The following EHMT1 variants were observed in gnomAD, a reference collection of about 807,000 sequenced individuals.
EHMT1 encodes the protein euchromatic histone lysine methyltransferase 1.
EHMT1 carries 15 observed loss-of-function variants against 147.2 expected under a neutral mutation model. The observed-to-expected ratio is 0.10, with a 90% CI of 0.07 to 0.16. The LOEUF (loss-of-function observed/expected upper bound fraction) is 0.16. Ranked by LOEUF, EHMT1 falls within the 10% of genes least tolerant of loss-of-function variation. EHMT1 has a pLI of 1.00. For synonymous variants in EHMT1, 795 were observed against 709.6 expected (o/e 1.12, Z -1.91); for missense variants, 1,587 against 1,772.4 (o/e 0.90, Z 1.88).
At position 137,684,407 on chromosome 9, in the gene EHMT1, GC is replaced by G. The variant is rs763605597; in HGVS notation, c.22-26558del. Among the ~76,000 whole-genome samples the G allele has an allele frequency of 1.4e-3, 215 of 152,252 alleles. 1 individual carries two copies. The highest frequency in any genetic ancestry group is 2.6e-3 in the Non-Finnish European group (179 of 68,014). On this transcript the variant is annotated intron_variant, in intron 1 of 26. Transcript: ENST00000460843. ...GTGATAAATGAGATGTTTTTCTTGA[GC>G]CGTTTGAAAGTTGCCTAGATGCCCC...
At position 137,750,261 on chromosome 9, in the gene EHMT1, C is replaced by CTT. The variant is rs1033311111; in HGVS notation, c.1171-2069_1171-2068insTT. Among the ~76,000 whole-genome samples the CTT allele has an allele frequency of 1.0e-3, 110 of 109,740 alleles. 1 individual carries two copies. Among genetic ancestry groups the CTT allele is most frequent in the Non-Finnish European group, 1.3e-3 (79 of 59,650 alleles). The allele number at this position is 109,740 out of a possible 152,430, so 72.0% of individuals were successfully genotyped here. A position where few individuals can be genotyped will look rare whatever the true frequency, so the allele number is the denominator to read the frequency against. Reference sequence around the variant, plus strand: ...GTCTAGGGATATTTTTAAAGATTTTCTCTAGAAAATTTCAAGCTGCACAAA... The same window carrying CTT: ...GTCTAGGGATATTTTTAAAGATTTTCTTTCTAGAAAATTTCAAGCTGCACAAA... On this transcript the variant is annotated intron_variant, in intron 6 of 26. Coordinates refer to ENST00000460843, the MANE Select transcript of EHMT1 (RefSeq NM_024757.5).
chr9:137,706,548 G>A (rs1456778717), intron 1 of EHMT1, among the ~76,000 whole-genome samples: 2 of 152,230 alleles, frequency 1.3e-5, no homozygotes, highest in South Asian at 2.1e-4. Context: ...GAGCAGTGGC[G>A]TGATCTCGGC....
intron 18 of EHMT1, chr9:137,802,820 C>T (rs1953614630): frequency 1.6e-6 from 2 of 1,231,948 alleles, no homozygotes; most frequent in Non-Finnish European, 2.0e-6. Context: ...GGGGTTTCTA[C>T]CTCATTCCAC....
At chr9:137,713,820 C>T (rs563466904) in intron 2 of EHMT1, among the ~76,000 whole-genome samples, 6 of 151,844 alleles carry the variant, frequency 4.0e-5, no homozygotes, top group Middle Eastern at 3.4e-3. Flanking sequence ...TGTGGTGGCT[C>T]GCACCTATAA....
chr9:137,756,148 T>G (rs552731689), intron 8 of EHMT1, among the ~76,000 whole-genome samples: 1 of 152,370 alleles, frequency 6.6e-6, no homozygotes, highest in East Asian at 1.9e-4. Flanking sequence ...GTTTTGTCCC[T>G]TGTTTTCTTC....
chr9:137,761,498 G>C (rs1487649584), intron 9 of EHMT1, among the ~76,000 whole-genome samples: 2 of 152,214 alleles, frequency 1.3e-5, no homozygotes, highest in African/African-American at 4.8e-5. Flanking sequence ...TCTGTTGCCA[G>C]ACTGGAGTGC....
At chr9:137,623,152 G>A (rs1177299444) in intron 1 of EHMT1, among the ~76,000 whole-genome samples, 3 of 151,024 alleles carry the variant, frequency 2.0e-5, no homozygotes, top group Middle Eastern at 3.2e-3. Flanking sequence ...GGTGGAGCTT[G>A]TAGTGAGCCA....
At chr9:137,670,336 C>T (rs1331749172) in intron 1 of EHMT1, among the ~76,000 whole-genome samples, 1 of 152,166 alleles carries the variant, frequency 6.6e-6, no homozygotes, top group Non-Finnish European at 1.5e-5. Context: ...ACAAAACCAT[C>T]CTGGTTAAGG....
chr9:137,735,891 T>C (rs1477012307), intron 4 of EHMT1, among the ~76,000 whole-genome samples: 2 of 152,198 alleles, frequency 1.3e-5, no homozygotes. Flanking sequence ...ATTTCCACCA[T>C]GAGCCAGAGC....
chr9:137,674,498 C>CT (rs1441479966), intron 1 of EHMT1, among the ~76,000 whole-genome samples: 1 of 152,142 alleles, frequency 6.6e-6, no homozygotes, highest in Non-Finnish European at 1.5e-5. Context: ...CTCCAGCGCT[C>CT]TTTCTTTGTG....
rs1842772938 is a variant in EHMT1, at chr9:137,619,065, G to T, written c.21+16G>T. The T allele has an allele frequency of 1.1e-6, 1 of 880,450 alleles. No homozygotes were observed. Among genetic ancestry groups the T allele is most frequent in the South Asian group, 5.0e-5 (1 of 20,124 alleles). 54.5% of individuals were successfully genotyped at this position (880,450 alleles called of 1,614,324 possible). On this transcript the variant is annotated intron_variant, in intron 1 of 26. Transcript: ENST00000460843. ...CGATGCCGAGGTGAGCAGCGGGGCC[G>T]GCGGGGGGCGGCGCGGGGGCGGCGG...
chr9:137,635,556 C>A (rs1204279977), intron 1 of EHMT1, among the ~76,000 whole-genome samples: 4 of 151,290 alleles, frequency 2.6e-5, no homozygotes, highest in African/African-American at 9.7e-5. Context: ...CGCGGTGGCT[C>A]ACGCCTGTAA....
intron 1 of EHMT1, among the ~76,000 whole-genome samples, chr9:137,691,332 A>T (rs1355478637): frequency 2.1e-5 from 3 of 145,874 alleles, no homozygotes; most frequent in East Asian, 3.9e-4. Flanking sequence ...TATAAAATAT[A>T]TTTTTTTTTC....
intron 1 of EHMT1, among the ~76,000 whole-genome samples, chr9:137,704,136 G>GC (rs1010923807): frequency 1.2e-4 from 18 of 152,174 alleles, no homozygotes; most frequent in Non-Finnish European, 2.2e-4. Context: ...GGGGACATCT[G>GC]CCCCCATGAT....
At chr9:137,826,150 T>A (rs950551352) in intron 25 of EHMT1, among the ~76,000 whole-genome samples, 1 of 8,614 alleles carries the variant, frequency 1.2e-4, no homozygotes, top group South Asian at 7.9e-3. Flanking sequence ...CCATAGGGGG[T>A]GGGTGGGTGG....
intron 21 of EHMT1, among the ~76,000 whole-genome samples, chr9:137,814,072 GC>G (rs796380276): frequency 1.6e-3 from 24 of 15,354 alleles, no homozygotes; most frequent in Middle Eastern, 0.071. Context: ...CCCCCCCCCC[GC>G]CCCCCGCCCC....
At chr9:137,741,915 C>T (rs550011431) in intron 4 of EHMT1, among the ~76,000 whole-genome samples, 3 of 152,156 alleles carry the variant, frequency 2.0e-5, no homozygotes, top group Non-Finnish European at 4.4e-5. Flanking sequence ...CCTCCTTCAT[C>T]CCCCCACAAA....
chr9:137,672,084 T>G (rs1414696946), intron 1 of EHMT1, among the ~76,000 whole-genome samples: 1 of 152,250 alleles, frequency 6.6e-6, no homozygotes, highest in African/African-American at 2.4e-5. Flanking sequence ...CCTTTCGCTC[T>G]CATTCTGTGC....
At chr9:137,781,126 TGAC>T (rs1951461697) in intron 14 of EHMT1, among the ~76,000 whole-genome samples, 1 of 15,544 alleles carries the variant, frequency 6.4e-5, no homozygotes, top group Non-Finnish European at 1.0e-4. Flanking sequence ...TGTGTGGTGA[TGAC>T]GGCATCACTG....
Sources: allele counts gnomAD v4.1 joint callset (sites outside exome capture counted in the v4.1 genomes callset), GRCh38; gene constraint gnomAD v4.1.1; transcripts MANE v1.5; gene names NCBI Gene and HGNC (gene_info 2026-07-23, HGNC 2026-07-21).